Variants in PLEKHG7 observed in about 807,000 individuals in gnomAD.
The protein encoded by PLEKHG7 is pleckstrin homology domain-containing family G member 7.
A neutral mutation model predicts 85.2 loss-of-function variants in PLEKHG7; 77 were observed. The ratio of observed to expected loss-of-function variants is 0.90; its 90% CI spans 0.75 to 1.09. PLEKHG7 has a LOEUF of 1.09. Among genes scored for constraint, PLEKHG7 ranks in the 50% least tolerant of loss-of-function variants. PLEKHG7 has a pLI of 0.00. For synonymous variants in PLEKHG7, 301 were observed against 302.4 expected, an observed-to-expected ratio of 1.00 and a Z score of 0.05; for missense variants, 777 against 804.3, an observed-to-expected ratio of 0.97 and a Z score of 0.41.
intron 3 of PLEKHG7, chr12:92,708,105 G>T (rs1383699643): frequency 5.7e-6 from 1 of 175,480 alleles, no homozygotes; most frequent in East Asian, 1.5e-4. Flanking sequence ...GACAGACTGT[G>T]CCCTTATCCA....
intron 14 of PLEKHG7, among the ~76,000 whole-genome samples, chr12:92,763,453 G>T (rs1873094181): frequency 6.6e-6 from 1 of 152,244 alleles, no homozygotes; most frequent in South Asian, 2.1e-4. Context: ...TGACGTGAGG[G>T]TGATTTAAAT....
intron 3 of PLEKHG7, among the ~76,000 whole-genome samples, chr12:92,725,414 A>G (rs1217969450): frequency 6.6e-6 from 1 of 152,194 alleles, no homozygotes; most frequent in East Asian, 1.9e-4. Context: ...TAAATTTTAG[A>G]TAACTCACCT....
chr12:92,733,283 A>G lies in PLEKHG7; in HGVS notation c.699+1010A>G, dbSNP rs571519571. On this transcript the variant is annotated intron_variant, in intron 5 of 16. Transcript: ENST00000344636. ...ATTGTAACGAATGCCGTATAATGCAAGTGGAGCCTACCCCAGAGCTGAGCA... is the reference window on the plus strand; with the variant it reads ...ATTGTAACGAATGCCGTATAATGCAGGTGGAGCCTACCCCAGAGCTGAGCA... Among the ~76,000 whole-genome samples the G allele has an allele frequency of 4.2e-4, 64 of 152,282 alleles. No individual in the cohort carries two copies. The South Asian group carries it at 6.0e-3, about 14-fold the overall frequency.
chr12:92,760,242 C>T (rs981751903), intron 13 of PLEKHG7, among the ~76,000 whole-genome samples: 3 of 152,128 alleles, frequency 2.0e-5, no homozygotes, highest in African/African-American at 7.2e-5. Context: ...GATTCTACTG[C>T]TACAAGAGAA....
chr12:92,707,404 CCG>C (rs1249760290), intron 2 of PLEKHG7: 2 of 1,428,434 alleles, frequency 1.4e-6, no homozygotes, highest in African/African-American at 2.9e-5. Context: ...GCCAGGCTTA[CCG>C]ATGGTCTGTC....
intron 3 of PLEKHG7, among the ~76,000 whole-genome samples, chr12:92,712,341 G>C (rs935090163): frequency 6.6e-6 from 1 of 152,194 alleles, no homozygotes; most frequent in Non-Finnish European, 1.5e-5. Flanking sequence ...ATTGCTTCTG[G>C]TGGGCCTTAT....
chr12:92,762,911 T>G (rs916576315), intron 14 of PLEKHG7, among the ~76,000 whole-genome samples: 11 of 152,184 alleles, frequency 7.2e-5, no homozygotes, highest in Non-Finnish European at 1.6e-4. Context: ...GGGGAGGGAA[T>G]GGGTGTACGA....
chr12:92,740,863 A>G lies in PLEKHG7; in HGVS notation c.950A>G (p.Asn317Ser), dbSNP rs750725118. Residue 317 changes from asparagine (N) to serine (S), a missense_variant, in exon 8 of 17, where the codon AAT becomes AGT. By Grantham distance (46) the Asn-to-Ser change is conservative (BLOSUM62 1). Coordinates refer to ENST00000344636, the MANE Select transcript of PLEKHG7 (RefSeq NM_001377329.1). ...HLLVLKMIFMNTLRYLQTHEY... is the reference protein window; with the variant it reads ...HLLVLKMIFMSTLRYLQTHEY... ...TTTTTTATTTCAAAGATCTTTATGA[A>G]TACACTAAGATATCTGCAAACTCAT... 4 of 1,600,012 alleles carry G rather than the reference A, an allele frequency of 2.5e-6. No homozygotes were observed. Among genetic ancestry groups the G allele is most frequent in the Non-Finnish European group, 3.4e-6 (4 of 1,170,114 alleles).
chr12:92,751,227 C>T (rs977360852), intron 10 of PLEKHG7, among the ~76,000 whole-genome samples: 3 of 152,208 alleles, frequency 2.0e-5, no homozygotes, highest in Non-Finnish European at 4.4e-5. Context: ...CCATATCTTT[C>T]AGCACGTTGC....
chr12:92,761,606 AAAAAGAAAGAAAGAAAGAAGAAAG>A (rs1872996817), intron 13 of PLEKHG7, 122 bp from the exon 14 acceptor site: 1 of 1,019,078 alleles, frequency 9.8e-7, no homozygotes, highest in African/African-American at 1.9e-5. Flanking sequence ...AGAAAGAAAG[AAAAAGAAAGAAAGAAAGAAGAAAG>A]AAAGAAAGAA....
Position 92,770,115 on chromosome 12 carries a change from G to A in PLEKHG7, c.1996G>A (p.Ala666Thr). The A allele has an allele frequency of 6.9e-6, 11 of 1,600,974 alleles. No homozygotes were observed. Among genetic ancestry groups the A allele is most frequent in the African/African-American group, 1.3e-5 (1 of 74,086 alleles). ...AACATGGATGGCACAAATAACAACT[G>A]CAATTTCTTGCTTTACCAAGAGTCA... Reference protein sequence around the residue: ...KKTWMAQITTAISCFTKSQET... With the variant: ...KKTWMAQITTTISCFTKSQET... Residue 666 changes from alanine to threonine, a missense_variant, in exon 17 of 17, where the codon GCA becomes ACA. Ala to Thr is a moderately conservative substitution (Grantham distance 58). This residue lies in a region of PLEKHG7 where 520 missense variants were observed against 544.0 expected (regional missense o/e 0.96). Transcript: ENST00000344636.
chr12:92,749,777 A>G (rs1260231969), intron 10 of PLEKHG7: 1 of 151,972 alleles, frequency 6.6e-6, no homozygotes, highest in Non-Finnish European at 1.5e-5. Flanking sequence ...AGAAAGGGTA[A>G]GTAAATTTCC....
At chr12:92,730,550 A>C (rs1010624068) in intron 4 of PLEKHG7, among the ~76,000 whole-genome samples, 4 of 152,164 alleles carry the variant, frequency 2.6e-5, no homozygotes, top group Middle Eastern at 3.4e-3. Flanking sequence ...TTTGAGACAG[A>C]GTCTCACTCT....
intron 3 of PLEKHG7, among the ~76,000 whole-genome samples, chr12:92,721,207 T>C (rs1232889010): frequency 6.6e-6 from 1 of 152,240 alleles, no homozygotes; most frequent in Admixed American, 6.5e-5. Flanking sequence ...GTCTATTGCT[T>C]ACAAAATGTA....
intron 3 of PLEKHG7, among the ~76,000 whole-genome samples, chr12:92,728,522 TCCCATGGTGTATATATAAATA>T (rs1345250118): frequency 2.0e-5 from 3 of 149,610 alleles, no homozygotes; most frequent in African/African-American, 7.4e-5. Context: ...ATATACCACA[TCCCATGGTGTATATATAAATA>T]TATATATACA....
At chr12:92,729,169 T>C (rs1007540976) in intron 4 of PLEKHG7, 49 bp downstream of exon 4, 1 of 1,230,706 alleles carries the variant, frequency 8.1e-7, no homozygotes, top group Non-Finnish European at 1.0e-6. Context: ...GTGGAACAGA[T>C]ATTGCCATAA....
chr12:92,769,085 G>GT lies in PLEKHG7; in HGVS notation c.1968+6dup. 1 of 1,550,502 alleles carries GT rather than the reference G, an allele frequency of 6.4e-7. No homozygotes were observed. Among genetic ancestry groups the GT allele is most frequent in the South Asian group, 1.1e-5 (1 of 88,168 alleles). ...GCCCAAACGGAAAACATCAAAGTAT[G>GT]TATTTTAATTTTGTAGGTCTTTGAT... On this transcript the variant is annotated splice_donor_region_variant and intron_variant, in intron 16 of 16. Transcript: ENST00000344636.
chr12:92,725,506 T>C (rs906764718), intron 3 of PLEKHG7, among the ~76,000 whole-genome samples: 5 of 152,028 alleles, frequency 3.3e-5, no homozygotes, highest in African/African-American at 1.2e-4. Context: ...GTTAATACAA[T>C]TGGAAGATGT....
rs565142045 is a variant in PLEKHG7, at chr12:92,766,335, A to T, written c.1870+2141A>T. Among the ~76,000 whole-genome samples the T allele has an allele frequency of 5.3e-5, 8 of 152,328 alleles. No homozygotes were observed. In the South Asian group the frequency reaches 1.7e-3, roughly 32 times the overall value. ...ACAGTTATACGCTATATAGTTATAG[A>T]TTGTGGCCTGACACATAGACTTGAG... On this transcript the variant is annotated intron_variant, in intron 15 of 16. Coordinates refer to ENST00000344636, the MANE Select transcript of PLEKHG7 (RefSeq NM_001377329.1).
Sources: gnomAD v4.1 joint callset for allele counts (sites outside exome capture counted in the v4.1 genomes callset) on GRCh38, gnomAD v4.1.1 for gene constraint, gnomAD v4.1.1 regional missense constraint, MANE v1.5 for transcripts, NCBI Gene and HGNC (gene_info 2026-07-23, HGNC 2026-07-21) for gene names.